Variants in EDARADD observed in about 807,000 individuals in gnomAD.
The protein encoded by EDARADD is ectodysplasin-A receptor-associated adapter protein.
EDARADD carries 20 observed loss-of-function variants against 25.6 expected under a neutral mutation model. That is an observed-to-expected ratio of 0.78 (90% CI 0.55 to 1.14). The LOEUF (loss-of-function observed/expected upper bound fraction) is 1.14, where lower values mean the gene tolerates loss of function less well. Among genes scored for constraint, EDARADD ranks in the 50% most tolerant of loss-of-function variants. The pLI is 0.00. For synonymous variants in EDARADD, 86 were observed against 94.4 expected, an observed-to-expected ratio of 0.91 and a Z score of 0.52; for missense variants, 225 against 270.1, an observed-to-expected ratio of 0.83 and a Z score of 1.17.
At chr1:236,388,682 G>A (rs1306725750) in intron 3 of EDARADD, among the ~76,000 whole-genome samples, 2 of 152,136 alleles carry the variant, frequency 1.3e-5, no homozygotes, top group Non-Finnish European at 2.9e-5. Context: ...GTTGGATATT[G>A]TTGTCATATA....
At position 236,484,311 on chromosome 1, in the gene EDARADD, G is replaced by T; in HGVS notation, c.*1662G>T. The T allele has an allele frequency of 8.8e-7, 1 of 1,137,822 alleles. No homozygotes were observed. Among genetic ancestry groups the T allele is most frequent in the South Asian group, 1.2e-5 (1 of 81,388 alleles). 70.5% of individuals were successfully genotyped at this position (1,137,822 alleles called of 1,614,324 possible). A position where few individuals can be genotyped will look rare whatever the true frequency, so the allele number is the denominator to read the frequency against. On this transcript the variant is annotated 3_prime_UTR_variant, in exon 6 of 6. Coordinates refer to ENST00000334232, the MANE Select transcript of EDARADD (RefSeq NM_145861.4). This position sits in a 1 kb window ranked among gnomAD's most constrained non-coding sequence, Gnocchi z 4.1. The stretch of plus-strand genomic sequence containing the variant: ...GGAGACTGAAAATACCTTCATCACT[G>T]ACCTGGTGGTGGGGCTGTGACCTGG...
At chr1:236,468,331 A>C in intron 5 of EDARADD, 55 bp downstream of exon 5, 1 of 1,580,942 alleles carries the variant, frequency 6.3e-7, no homozygotes, top group Non-Finnish European at 8.7e-7. Context: ...GCTGAATAAA[A>C]GATAATTTGA....
chr1:236,402,006 G>A (rs762755578), intron 1 of EDARADD, among the ~76,000 whole-genome samples: 1 of 152,172 alleles, frequency 6.6e-6, no homozygotes, highest in Non-Finnish European at 1.5e-5. Context: ...TTGTTGCCCA[G>A]GCTGGAGTGC....
chr1:236,461,816 A>C (rs1196792285), intron 4 of EDARADD, among the ~76,000 whole-genome samples: 1 of 152,158 alleles, frequency 6.6e-6, no homozygotes, highest in Admixed American at 6.6e-5. Context: ...TAGTTTGCAA[A>C]GTAGCAAAGA....
chr1:236,352,060 C>T (rs1666920828), intron 3 of EDARADD, among the ~76,000 whole-genome samples: 1 of 152,034 alleles, frequency 6.6e-6, no homozygotes, highest in African/African-American at 2.4e-5. Flanking sequence ...CATGTTGGGT[C>T]CAGTCAGTCT....
At chr1:236,467,414 G>GCACA (rs893009834) in intron 4 of EDARADD, among the ~76,000 whole-genome samples, 1 of 101,320 alleles carries the variant, frequency 9.9e-6, no homozygotes, top group African/African-American at 4.8e-5. Context: ...TTCATGGGAA[G>GCACA]CACACACACG....
At position 236,396,942 on chromosome 1, in the gene EDARADD, C is replaced by A. The variant is rs1420423899; in HGVS notation, c.61+2437C>A. Among the ~76,000 whole-genome samples the A allele has an allele frequency of 2.3e-5, 3 of 131,932 alleles. No homozygotes were observed. The East Asian group carries it at 6.8e-4, about 30-fold the overall frequency. The allele number at this position is 131,932 out of a possible 152,430, so 86.6% of individuals were successfully genotyped here. A position where few individuals can be genotyped will look rare whatever the true frequency, so the allele number is the denominator to read the frequency against. On this transcript the variant is annotated intron_variant, in intron 1 of 5. Transcript: ENST00000334232. ...TTAGGCTGGATTTTACTACTAGTGG[C>A]CTCAGATCTCATTAAATGATGATTG... is the stretch of plus-strand genomic sequence containing the variant.
chr1:236,432,857 G>A (rs1205707905), intron 4 of EDARADD, among the ~76,000 whole-genome samples: 1 of 151,912 alleles, frequency 6.6e-6, no homozygotes, highest in Non-Finnish European at 1.5e-5. Context: ...GCTTGAGCCT[G>A]GGAGGCTGTG....
chr1:236,415,685 T>G (rs1657617117), intron 3 of EDARADD, among the ~76,000 whole-genome samples: 1 of 152,188 alleles, frequency 6.6e-6, no homozygotes. Flanking sequence ...CCTCAGATGA[T>G]CCACCTGCCT....
intron 3 of EDARADD, among the ~76,000 whole-genome samples, chr1:236,367,775 A>C (rs1198274259): frequency 1.3e-5 from 2 of 152,174 alleles, no homozygotes; most frequent in East Asian, 3.8e-4. Flanking sequence ...TACATTTCAT[A>C]ACTGACTCTA....
At position 236,483,346 on chromosome 1, in the gene EDARADD, G is replaced by A. The variant is rs767911111; in HGVS notation, c.*697G>A. On this transcript the variant is annotated 3_prime_UTR_variant, in exon 6 of 6. Coordinates refer to ENST00000334232, the MANE Select transcript of EDARADD (RefSeq NM_145861.4). ...GATAAGACTCGCTATATGGGGAAGGGTGTCTCAAAGCCTGTTGAGCCCATC... is the reference window on the plus strand; with the variant it reads ...GATAAGACTCGCTATATGGGGAAGGATGTCTCAAAGCCTGTTGAGCCCATC... The A allele has an allele frequency of 1.0e-5, 16 of 1,577,594 alleles. No homozygotes were observed. The highest frequency in any genetic ancestry group is 5.0e-5 in the Admixed American group (3 of 59,750).
At chr1:236,467,696 G>T (rs138193982) in intron 4 of EDARADD, among the ~76,000 whole-genome samples, 3 of 151,436 alleles carry the variant, frequency 2.0e-5, no homozygotes, top group African/African-American at 7.2e-5. Context: ...AAGCAGATAA[G>T]AAATAAAATA....
intron 4 of EDARADD, among the ~76,000 whole-genome samples, chr1:236,463,567 A>C (rs1157227653): frequency 1.3e-5 from 2 of 152,254 alleles, no homozygotes; most frequent in Non-Finnish European, 2.9e-5. Flanking sequence ...CTGGGATTAC[A>C]GGCGTGCGCC....
chr1:236,372,185 A>G lies in EDARADD; in HGVS notation c.-6+21346A>G, dbSNP rs187924621. ...TGGCCAGGCTGGTCTCAAACTCCTG[A>G]CCTCAGGTGGTCCACCAGCCTTGGC... On this transcript the variant is annotated intron_variant, in intron 3 of 7. Transcript: ENST00000439430. 2.8e-3 allele frequency among the ~76,000 whole-genome samples: 421 copies of G among 151,728 alleles called. 3 individuals carry two copies. The highest frequency in any genetic ancestry group is 8.9e-3 in the African/African-American group (370 of 41,358).
chr1:236,383,404 A>G (rs945460252), intron 3 of EDARADD, among the ~76,000 whole-genome samples: 105 of 137,680 alleles, frequency 7.6e-4, no homozygotes, highest in African/African-American at 2.7e-3. Flanking sequence ...AAAAAAAAAA[A>G]TCTCTCAAGG....
intron 3 of EDARADD, among the ~76,000 whole-genome samples, chr1:236,361,026 T>G (rs1667040671): frequency 6.6e-6 from 1 of 151,846 alleles, no homozygotes; most frequent in African/African-American, 2.4e-5. Flanking sequence ...CATTTTAAGG[T>G]TTTTGTAAAA....
chr1:236,483,775 C>A lies in EDARADD; in HGVS notation c.*1126C>A, dbSNP rs1045006992. On this transcript the variant is annotated 3_prime_UTR_variant, in exon 6 of 6. Coordinates refer to ENST00000334232, the MANE Select transcript of EDARADD (RefSeq NM_145861.4). ...ATCAAGGAGAAATATGGGAAAGATGCCACCGGTGTGGGGGATGGAGGCGCG... is the reference window on the plus strand; with the variant it reads ...ATCAAGGAGAAATATGGGAAAGATGACACCGGTGTGGGGGATGGAGGCGCG... The A allele has an allele frequency of 6.8e-7, 1 of 1,477,484 alleles. No individual in the cohort carries two copies. The highest frequency in any genetic ancestry group is 1.4e-5 in the African/African-American group (1 of 72,086). The allele number at this position is 1,477,484 out of a possible 1,614,324, so 91.5% of individuals were successfully genotyped here.
At chr1:236,438,832 C>T (rs1023569978) in intron 4 of EDARADD, among the ~76,000 whole-genome samples, 12 of 152,162 alleles carry the variant, frequency 7.9e-5, no homozygotes, top group African/African-American at 2.9e-4. Flanking sequence ...ATTGATGAAC[C>T]TACGCTGACA....
At position 236,484,135 on chromosome 1, in the gene EDARADD, A is replaced by AC; in HGVS notation, c.*1489dup. The stretch of plus-strand genomic sequence containing the variant: ...GTGGAGGATGATCTCAGAGTGACCA[A>AC]CCCAAAGAGGACAGCCTCGGCCGTG... On this transcript the variant is annotated 3_prime_UTR_variant, in exon 6 of 6. Coordinates refer to ENST00000334232, the MANE Select transcript of EDARADD (RefSeq NM_145861.4). The surrounding 1 kb of genome is among the most constrained non-coding windows in gnomAD (Gnocchi z 4.1). 4 of 1,456,730 alleles carry AC rather than the reference A, an allele frequency of 2.7e-6. No individual in the cohort carries two copies. 90.2% of individuals were successfully genotyped at this position (1,456,730 alleles called of 1,614,324 possible).
Sources: allele counts gnomAD v4.1 joint callset (sites outside exome capture counted in the v4.1 genomes callset), GRCh38; gene constraint gnomAD v4.1.1; non-coding constraint Gnocchi (gnomAD v3.1); transcripts MANE v1.5; gene names NCBI Gene and HGNC (gene_info 2026-07-23, HGNC 2026-07-21).